The following C1QTNF3 variants were observed in gnomAD, a reference collection of about 807,000 sequenced individuals.
C1QTNF3 encodes the protein C1q and TNF related 3.
Under a neutral mutation model 32.6 loss-of-function variants are expected in C1QTNF3, and 26 were observed. The observed-to-expected ratio is 0.80, with a 90% confidence interval of 0.58 to 1.11. The LOEUF (loss-of-function observed/expected upper bound fraction) is 1.11. Among genes scored for constraint, C1QTNF3 ranks in the 50% least tolerant of loss-of-function variants. C1QTNF3 has a pLI of 0.00. For missense variants in C1QTNF3, 362 were observed against 398.2 expected, an observed-to-expected ratio of 0.91 and a Z score of 0.77; for synonymous variants, 155 against 146.0, an observed-to-expected ratio of 1.06 and a Z score of -0.44.
the C1QTNF3 span, among the ~76,000 whole-genome samples, chr5:34,159,028 A>G: frequency 6.6e-6 from 1 of 152,122 alleles, no homozygotes; most frequent in Admixed American, 6.5e-5. Flanking sequence ...TAATTTTATC[A>G]GTCGCATTTT....
At chr5:34,219,237 G>A in the C1QTNF3 span, among the ~76,000 whole-genome samples, 1 of 151,802 alleles carries the variant, frequency 6.6e-6, no homozygotes, top group Non-Finnish European at 1.5e-5. Flanking sequence ...TTACATGAGT[G>A]TATTATCCAT....
chr5:34,162,632 T>A, the C1QTNF3 span, among the ~76,000 whole-genome samples: 12 of 152,284 alleles, frequency 7.9e-5, no homozygotes, highest in East Asian at 1.7e-3. Context: ...TCTTTATGTA[T>A]CAGTGAAGAG....
the C1QTNF3 span, among the ~76,000 whole-genome samples, chr5:34,114,477 A>T: frequency 6.6e-6 from 1 of 152,120 alleles, no homozygotes; most frequent in African/African-American, 2.4e-5. Context: ...TATAATTCAA[A>T]CTATCAAATC....
intron 3 of C1QTNF3, among the ~76,000 whole-genome samples, chr5:34,031,716 T>A (rs964815181): frequency 2.0e-5 from 3 of 152,128 alleles, no homozygotes; most frequent in African/African-American, 7.2e-5. Flanking sequence ...GCACCTGTAA[T>A]CCCAGCTACT....
At chr5:34,120,705 T>C in the C1QTNF3 span, among the ~76,000 whole-genome samples, 10 of 152,210 alleles carry the variant, frequency 6.6e-5, no homozygotes, top group African/African-American at 2.4e-4. Context: ...TCTTCTTTTG[T>C]CTAACGCCAT....
chr5:34,160,670 C>A, the C1QTNF3 span, among the ~76,000 whole-genome samples: 5 of 152,092 alleles, frequency 3.3e-5, no homozygotes, highest in African/African-American at 9.7e-5. Flanking sequence ...TTTATATTAT[C>A]CAATTTACAG....
At chr5:34,131,300 C>G in the C1QTNF3 span, among the ~76,000 whole-genome samples, 1 of 151,278 alleles carries the variant, frequency 6.6e-6, no homozygotes, top group Admixed American at 6.6e-5. Context: ...ACAGATATGT[C>G]TTCCACTTAT....
chr5:34,072,832 T>C, the C1QTNF3 span, among the ~76,000 whole-genome samples: 1 of 152,338 alleles, frequency 6.6e-6, no homozygotes, highest in East Asian at 1.9e-4. Flanking sequence ...ATTTTTCATG[T>C]CATAAAGCAA....
the C1QTNF3 span, among the ~76,000 whole-genome samples, chr5:34,108,576 T>C: frequency 1.3e-5 from 2 of 152,098 alleles, no homozygotes; most frequent in Non-Finnish European, 2.9e-5. Context: ...TAGTATTTTC[T>C]CGTCATAAAG....
chr5:34,106,561 C>T, the C1QTNF3 span, among the ~76,000 whole-genome samples: 2 of 128,884 alleles, frequency 1.6e-5, no homozygotes, highest in Non-Finnish European at 3.3e-5. Context: ...TCCTTAGCAG[C>T]CTCAAAATTT....
At chr5:34,037,010 C>T (rs1254528726) in intron 1 of C1QTNF3, among the ~76,000 whole-genome samples, 1 of 152,028 alleles carries the variant, frequency 6.6e-6, no homozygotes, top group Non-Finnish European at 1.5e-5. Flanking sequence ...TTAATAAGCA[C>T]TTAATGGGTA....
chr5:34,157,022 C>T, the C1QTNF3 span, among the ~76,000 whole-genome samples: 1 of 152,106 alleles, frequency 6.6e-6, no homozygotes, highest in African/African-American at 2.4e-5. Flanking sequence ...TAGCATTATT[C>T]AAATCAAAAC....
At chr5:34,077,859 C>T in the C1QTNF3 span, among the ~76,000 whole-genome samples, 1 of 151,230 alleles carries the variant, frequency 6.6e-6, no homozygotes, top group Non-Finnish European at 1.5e-5. Context: ...CAGGACGTGA[C>T]GTTAACCTGG....
At chr5:34,242,636 G>C in the C1QTNF3 span, among the ~76,000 whole-genome samples, 4 of 151,580 alleles carry the variant, frequency 2.6e-5, no homozygotes, top group Non-Finnish European at 5.9e-5. Flanking sequence ...AAAAACAATT[G>C]CAACAAAAAC....
chr5:34,200,995 C>CATATAAAGACA, the C1QTNF3 span: 2 of 151,944 alleles, frequency 1.3e-5, no homozygotes, highest in Non-Finnish European at 2.9e-5. Flanking sequence ...AATTATATGG[C>CATATAAAGACA]AAGAATCTCT....
the C1QTNF3 span, among the ~76,000 whole-genome samples, chr5:34,218,763 C>T: frequency 6.6e-6 from 1 of 152,096 alleles, no homozygotes; most frequent in African/African-American, 2.4e-5. Context: ...ACTGCCCATG[C>T]TGTGTGACCT....
the C1QTNF3 span, among the ~76,000 whole-genome samples, chr5:34,128,103 C>T: frequency 5.3e-5 from 8 of 152,172 alleles, no homozygotes; most frequent in Admixed American, 4.6e-4. Flanking sequence ...AGCCTTGGGA[C>T]GTGAAGACCT....
At chr5:34,139,177 T>C in the C1QTNF3 span, among the ~76,000 whole-genome samples, 1 of 151,868 alleles carries the variant, frequency 6.6e-6, no homozygotes, top group Non-Finnish European at 1.5e-5. Flanking sequence ...TAAATATGTG[T>C]GTATATATAC....
the C1QTNF3 span, among the ~76,000 whole-genome samples, chr5:34,114,321 C>T: frequency 2.6e-5 from 4 of 152,138 alleles, no homozygotes; most frequent in African/African-American, 7.2e-5. Context: ...TCAAGAAACA[C>T]TGAAAAAGAG....
Sources: allele counts gnomAD v4.1 joint callset (sites outside exome capture counted in the v4.1 genomes callset), GRCh38; gene constraint gnomAD v4.1.1; transcripts MANE v1.5; gene names NCBI Gene and HGNC (gene_info 2026-07-23, HGNC 2026-07-21).